AKR1B1: variants seen among roughly 807,000 people sequenced by gnomAD.
AKR1B1 encodes aldo-keto reductase family 1 member B1.
A neutral mutation model predicts 40.4 loss-of-function variants in AKR1B1; 22 were observed. That is an observed-to-expected ratio of 0.54 (90% CI 0.39 to 0.78). The LOEUF is 0.78. AKR1B1 is among the 30% of genes least tolerant of loss of function. The pLI, the probability that AKR1B1 is intolerant of heterozygous loss-of-function variation, is 0.00. For synonymous variants in AKR1B1, 157 were observed against 149.9 expected, an observed-to-expected ratio of 1.05 and a Z score of -0.35; for missense variants, 357 against 396.7, an observed-to-expected ratio of 0.90 and a Z score of 0.85.
chr7:134,445,438 G>A (rs1806065139), intron 8 of AKR1B1, 118 bp from the exon 9 acceptor site: 7 of 835,510 alleles, frequency 8.4e-6, no homozygotes, highest in African/African-American at 5.1e-5. Context: ...AAGATAAACT[G>A]AACTTAGGAA....
intron 1 of AKR1B1, among the ~76,000 whole-genome samples, chr7:134,455,260 G>A (rs1461669125): frequency 6.6e-6 from 1 of 152,126 alleles, no homozygotes; most frequent in Admixed American, 6.5e-5. Context: ...CCTCTAGAAG[G>A]CTACTGGCCA....
At chr7:134,443,237 T>A (rs1472977695) in intron 9 of AKR1B1, among the ~76,000 whole-genome samples, 3 of 152,296 alleles carry the variant, frequency 2.0e-5, no homozygotes, top group Admixed American at 1.3e-4. Context: ...TAGCAAGATT[T>A]CCATCTTAAT....
At position 134,447,967 on chromosome 7, in the gene AKR1B1, G is replaced by A; in HGVS notation, c.741+13C>T. On this transcript the variant is annotated intron_variant, in intron 7 of 9. Coordinates refer to ENST00000285930, the MANE Select transcript of AKR1B1 (RefSeq NM_001628.4). ...CAGTTGTGGACGGTCAGCAACACCT[G>A]AAGTGGCTGTACCTGGGCTGTAGTT... 1 of 1,608,858 alleles carries A rather than the reference G, an allele frequency of 6.2e-7. No individual in the cohort carries two copies. Among genetic ancestry groups the A allele is most frequent in the Non-Finnish European group, 8.5e-7 (1 of 1,177,686 alleles).
chr7:134,448,091 C>T (rs769243489), intron 6 of AKR1B1, 30 bp from the exon 7 acceptor site: 5 of 1,565,338 alleles, frequency 3.2e-6, no homozygotes, highest in African/African-American at 2.7e-5. Context: ...CCAGGTCACA[C>T]CATCATGGCC....
chr7:134,447,507 C>G, intron 7 of AKR1B1, 126 bp from the exon 8 acceptor site: 1 of 842,626 alleles, frequency 1.2e-6, no homozygotes, highest in Non-Finnish European at 2.0e-6. Context: ...GAGAGGGGCT[C>G]CAAGATGTCA....
chr7:134,451,641 T>G lies in AKR1B1; in HGVS notation c.179A>C (p.Gln60Pro). 6.2e-7 allele frequency: 1 copy of G among 1,614,168 alleles called. No individual in the cohort carries two copies. The highest frequency in any genetic ancestry group is 8.5e-7 in the Non-Finnish European group (1 of 1,180,026). The part of the protein sequence containing the change: ...QNENEVGVAI[Q>P]EKLREQVVKR... ...CACCACCTGCTCCCTGAGCTTCTCC[T>G]GAATGGCCACCCCCACCTCATTCTC... Residue 60 changes from glutamine to proline, a missense_variant, in exon 2 of 10, where the codon CAG becomes CCG. Transcript: ENST00000285930.
At chr7:134,455,991 T>A (rs927163851) in intron 1 of AKR1B1, among the ~76,000 whole-genome samples, 3 of 152,262 alleles carry the variant, frequency 2.0e-5, no homozygotes, top group Non-Finnish European at 4.4e-5. Context: ...GAATGGAGTT[T>A]GAGGACCTTC....
At chr7:134,447,061 C>T (rs1806119339) in intron 8 of AKR1B1, among the ~76,000 whole-genome samples, 1 of 152,104 alleles carries the variant, frequency 6.6e-6, no homozygotes, top group Non-Finnish European at 1.5e-5. Flanking sequence ...AGGGCCTGAG[C>T]AAAGGTGTAG....
chr7:134,448,791 G>A (rs969247205), intron 5 of AKR1B1, among the ~76,000 whole-genome samples: 3 of 152,042 alleles, frequency 2.0e-5, no homozygotes, highest in Admixed American at 2.0e-4. Flanking sequence ...ACCCCAAATC[G>A]TCACAAGCCA....
chr7:134,458,817 C>A (rs770076304), intron 1 of AKR1B1, among the ~76,000 whole-genome samples, 180 bp downstream of exon 1: 1 of 152,108 alleles, frequency 6.6e-6, no homozygotes, highest in East Asian at 1.9e-4. Context: ...GGAGCCAAGG[C>A]CCCCGGTCTC....
Position 134,451,773 on chromosome 7 carries a change from G to A in AKR1B1, c.67-20C>T. Reference sequence around the variant, plus strand: ...AGGGGACTGAAAGGAGAAAGAACGTGAGCCCCGCAGAATGCAGAGTCTGCA... The same window carrying A: ...AGGGGACTGAAAGGAGAAAGAACGTAAGCCCCGCAGAATGCAGAGTCTGCA... On this transcript the variant is annotated intron_variant, in intron 1 of 9. Transcript: ENST00000285930. 6.2e-7 allele frequency: 1 copy of A among 1,613,042 alleles called. No individual in the cohort carries two copies.
rs764966557 is a variant in AKR1B1 at position 134,449,134 on chromosome 7, G to A, written c.430-15C>T. The A allele has an allele frequency of 7.5e-6, 12 of 1,604,026 alleles. No homozygotes were observed. The highest frequency in any genetic ancestry group is 1.1e-5 in the South Asian group (1 of 91,000). On this transcript the variant is annotated splice_polypyrimidine_tract_variant and intron_variant, in intron 4 of 9. Transcript: ENST00000285930. ...TCTTCCATGGCCTACAGAGAAAAGT[G>A]TCTGTGTGGTGCAGAAACGAACCCA... is the stretch of plus-strand genomic sequence containing the variant.
At chr7:134,444,147 C>T (rs2117445352) in intron 9 of AKR1B1, among the ~76,000 whole-genome samples, 1 of 152,332 alleles carries the variant, frequency 6.6e-6, no homozygotes, top group East Asian at 1.9e-4. Context: ...GACTGATTCA[C>T]TCCTCTCCTC....
rs1805967833 is a variant in AKR1B1 at position 134,442,528 on chromosome 7, G to A, written c.*200C>T. ...TTTCCCCAGCAGGGTAGAAAGAAGG[G>A]CAAAGCAAACTGGAAGAGACTTCTA... On this transcript the variant is annotated 3_prime_UTR_variant, in exon 10 of 10. Transcript: ENST00000285930. 4.2e-5 allele frequency: 24 copies of A among 571,402 alleles called. No individual in the cohort carries two copies. The South Asian group carries it at 4.7e-4, about 11-fold the overall frequency. The allele number at this position is 571,402 out of a possible 1,614,324, so 35.4% of individuals were successfully genotyped here.
chr7:134,458,946 G>A, intron 1 of AKR1B1, 51 bp downstream of exon 1: 3 of 1,561,702 alleles, frequency 1.9e-6, no homozygotes, highest in South Asian at 1.2e-5. Context: ...AATACAGGCC[G>A]CGCGGAGAGT....
chr7:134,451,791 A>C (rs1027724084), intron 1 of AKR1B1, 38 bp from the exon 2 acceptor site: 3 of 1,607,308 alleles, frequency 1.9e-6, no homozygotes. Context: ...CAGAATGCAG[A>C]GTCTGCACAG....
intron 7 of AKR1B1, chr7:134,447,597 C>A: frequency 4.6e-6 from 3 of 649,330 alleles, no homozygotes; most frequent in Middle Eastern, 2.5e-4. Flanking sequence ...CTGTGCCACA[C>A]GCTTCAGTGT....
At chr7:134,444,207 T>G (rs1806025810) in intron 9 of AKR1B1, among the ~76,000 whole-genome samples, 1 of 152,246 alleles carries the variant, frequency 6.6e-6, no homozygotes, top group East Asian at 1.9e-4. Flanking sequence ...CTAAGTAGCA[T>G]TAACAGAGAT....
At chr7:134,449,366 C>A in intron 4 of AKR1B1, 1 of 574,534 alleles carries the variant, frequency 1.7e-6, no homozygotes. Flanking sequence ...GCGGGCGGAT[C>A]ACGAGGTCAG....
Sources: allele counts gnomAD v4.1 joint callset (sites outside exome capture counted in the v4.1 genomes callset), GRCh38; gene constraint gnomAD v4.1.1; transcripts MANE v1.5; gene names NCBI Gene and HGNC (gene_info 2026-07-23, HGNC 2026-07-21).